The following IGSF22 variants were observed in gnomAD, a reference collection of about 807,000 sequenced individuals.
IGSF22 encodes the protein immunoglobulin superfamily member 22, also known as immunoglobulin superfamily, member 22.
IGSF22 carries 119 observed loss-of-function variants against 127.0 expected under a neutral mutation model. The ratio of observed to expected loss-of-function variants is 0.94; its 90% CI spans 0.81 to 1.09. The LOEUF (loss-of-function observed/expected upper bound fraction) is 1.09, where lower values mean the gene tolerates loss of function less well. Ranked by LOEUF, IGSF22 falls within the 50% of genes least tolerant of loss-of-function variation. IGSF22 has a pLI of 0.00. For missense variants in IGSF22, 1,518 were observed against 1,716.6 expected (o/e 0.88, Z 2.04); for synonymous variants, 568 against 664.7 (o/e 0.85, Z 2.24).
At chr11:18,719,536 G>C (rs183626892) in intron 7 of IGSF22, among the ~76,000 whole-genome samples, 180 bp downstream of exon 7, 1 of 152,332 alleles carries the variant, frequency 6.6e-6, no homozygotes, top group East Asian at 1.9e-4. Context: ...GAGTGGTGAA[G>C]ACAGAAGTAG....
intron 11 of IGSF22, among the ~76,000 whole-genome samples, chr11:18,714,836 G>A (rs1848430853): frequency 6.6e-6 from 1 of 152,146 alleles, no homozygotes; most frequent in Non-Finnish European, 1.5e-5. Context: ...GAGGGGGATG[G>A]GGAAAGGTCA....
intron 7 of IGSF22, among the ~76,000 whole-genome samples, chr11:18,719,177 C>T (rs1848516749): frequency 6.6e-6 from 1 of 152,152 alleles, no homozygotes; most frequent in Non-Finnish European, 1.5e-5. Context: ...CGGAGTCTTG[C>T]TCTGTCACCC....
rs757526919 is a variant in IGSF22 at position 18,714,397 on chromosome 11, G to T, written c.1678C>A (p.Gln560Lys). 1.2e-6 allele frequency: 2 copies of T among 1,614,042 alleles called. No homozygotes were observed. The highest frequency in any genetic ancestry group is 3.3e-5 in the Admixed American group (2 of 60,028). ...TGCACTGCACCCTGCTTCACAATCT[G>T]CATGCCTGGCAAGTCCGTGATCTGG... ...GKEITDLPGM[Q>K]IVKQGAVHKL... The change falls in exon 13 of 23, where the codon CAG becomes AAG. Residue 560 changes from glutamine to lysine, a missense_variant. By Grantham distance (53) the Gln-to-Lys change is moderately conservative. Coordinates refer to ENST00000513874, the MANE Select transcript of IGSF22 (RefSeq NM_173588.4).
At position 18,712,182 on chromosome 11, in the gene IGSF22, C is replaced by T. The variant is rs1319666833; in HGVS notation, c.2298G>A (p.Val766=). Reference sequence around the variant, plus strand: ...GGAACTGGTAGGCTTTTCCCTCTTCCACCTTGTTGGTGGAGAAGTTGGTGA... The same window carrying T: ...GGAACTGGTAGGCTTTTCCCTCTTCTACCTTGTTGGTGGAGAAGTTGGTGA... ...GKVTNFSTNK[V]EEGKAYQFRI... The change falls in exon 15 of 23, where the codon GTG becomes GTA. Residue 766 remains valine (V), a synonymous_variant. Coordinates refer to ENST00000513874, the MANE Select transcript of IGSF22 (RefSeq NM_173588.4). 4.5e-6 allele frequency: 7 copies of T among 1,551,740 alleles called. No homozygotes were observed. In the Admixed American group the frequency reaches 1.2e-4, roughly 26 times the overall value.
In IGSF22 at chr11:18,714,492, C is replaced by T. The variant is rs1176857917; in HGVS notation, c.1656+8G>A. 6.2e-7 allele frequency: 1 copy of T among 1,614,216 alleles called. No homozygotes were observed. Among genetic ancestry groups the T allele is most frequent in the Non-Finnish European group, 8.5e-7 (1 of 1,180,040 alleles). On this transcript the variant is annotated splice_region_variant and intron_variant, in intron 12 of 22. Coordinates refer to ENST00000513874, the MANE Select transcript of IGSF22 (RefSeq NM_173588.4). ...CCTTCACCCCCTTCCCTGGCCTCTGCTTCAGACCTCCTTGCCATCCTTCAG... is the reference window on the plus strand; with the variant it reads ...CCTTCACCCCCTTCCCTGGCCTCTGTTTCAGACCTCCTTGCCATCCTTCAG...
intron 4 of IGSF22, among the ~76,000 whole-genome samples, chr11:18,721,316 G>A (rs1162698889): frequency 2.6e-5 from 4 of 152,196 alleles, no homozygotes; most frequent in Admixed American, 2.6e-4. Context: ...GCTCTGCCCC[G>A]GGGGTACTTT....
In IGSF22 at chr11:18,707,160, C is replaced by G. The variant is rs1156527126; in HGVS notation, c.3334G>C (p.Val1112Leu). Residue 1112 changes from valine to leucine, a missense_variant, in exon 21 of 23, where the codon GTG becomes CTG. Physicochemically the swap from Val to Leu is conservative, Grantham distance 32. Around this residue, in one of 3 missense-constraint regions of IGSF22, gnomAD observed 1,456 missense variants for 1,644.9 expected, o/e 0.89. Transcript: ENST00000513874. ...GGGCTGTGGTTCCAGGTCAGAGTCA[C>G]TGTGTTGGGGACTTCCTCAAACAAC... is the stretch of plus-strand genomic sequence containing the variant. The part of the protein sequence containing the change: ...LRLFEEVPNT[V>L]TLTWNHSPDV... The G allele has an allele frequency of 6.4e-7, 1 of 1,551,014 alleles. No homozygotes were observed. The highest frequency in any genetic ancestry group is 1.2e-5 in the South Asian group (1 of 83,962).
intron 5 of IGSF22, 41 bp downstream of exon 5, chr11:18,720,145 G>A: frequency 6.2e-7 from 1 of 1,613,632 alleles, no homozygotes; most frequent in Non-Finnish European, 8.5e-7. Flanking sequence ...GGGGGAGTCT[G>A]GTCCCTAAGA....
intron 2 of IGSF22, among the ~76,000 whole-genome samples, chr11:18,722,306 AT>A (rs11403570): frequency 6.7e-6 from 1 of 149,490 alleles, no homozygotes; most frequent in African/African-American, 2.5e-5. Context: ...CTGAGTCCTA[AT>A]TTTTTTTTTT....
rs1848475582 is a variant in IGSF22, at chr11:18,717,004, C to T, written c.974-4G>A. Reference sequence around the variant, plus strand: ...CCCAGGAACTTCAGTGGCTCATCTGCAGCAAACAGTAGGAGTGGTAGTCAT... The same window carrying T: ...CCCAGGAACTTCAGTGGCTCATCTGTAGCAAACAGTAGGAGTGGTAGTCAT... On this transcript the variant is annotated splice_region_variant and splice_polypyrimidine_tract_variant and intron_variant, in intron 9 of 22. Transcript: ENST00000513874. 6.2e-7 allele frequency: 1 copy of T among 1,613,852 alleles called. No individual in the cohort carries two copies. Among genetic ancestry groups the T allele is most frequent in the Admixed American group, 1.7e-5 (1 of 60,006 alleles).
chr11:18,705,695 T>G, intron 22 of IGSF22, 122 bp downstream of exon 22: 1 of 811,540 alleles, frequency 1.2e-6, no homozygotes, highest in African/African-American at 1.7e-5. Flanking sequence ...TAAGAATGTT[T>G]GCACCACCTG....
intron 15 of IGSF22, 40 bp from the exon 16 acceptor site, chr11:18,710,868 G>A (rs763194343): frequency 6.4e-7 from 1 of 1,565,652 alleles, no homozygotes; most frequent in Non-Finnish European, 8.8e-7. Flanking sequence ...AGGAGGGGGA[G>A]CATGTAGATA....
At chr11:18,708,472 CCTT>C (rs1848290332) in intron 18 of IGSF22, among the ~76,000 whole-genome samples, 177 bp from the exon 19 acceptor site, 1 of 152,232 alleles carries the variant, frequency 6.6e-6, no homozygotes, top group Admixed American at 6.5e-5. Flanking sequence ...TCATCTGTCT[CCTT>C]CTACTAGTAC....
At chr11:18,723,630 C>T (rs1979050) in intron 2 of IGSF22, among the ~76,000 whole-genome samples, 56,755 of 152,130 alleles carry the variant, frequency 0.37, 10,915 homozygotes, top group Non-Finnish European at 0.42. Context: ...GATCTGCCCT[C>T]TTCCAAGTCT....
At position 18,712,245 on chromosome 11, in the gene IGSF22, C is replaced by T. The variant is rs773516047; in HGVS notation, c.2235G>A (p.Lys745=). The T allele has an allele frequency of 1.3e-6, 2 of 1,551,668 alleles. No homozygotes were observed. The highest frequency in any genetic ancestry group is 1.7e-6 in the Non-Finnish European group (2 of 1,147,018). Residue 745 remains lysine, a synonymous_variant, in exon 15 of 23, where the codon AAG becomes AAA. Transcript: ENST00000513874. The stretch of plus-strand genomic sequence containing the variant: ...CCTCGCCTATCTTAATCCAGGACTT[C>T]TTGCCAACTGCCCTCCGTTCCACTA... The part of the protein sequence containing the change: ...QFIVERRAVG[K]KSWIKIGEVD...
intron 11 of IGSF22, 40 bp downstream of exon 11, chr11:18,715,391 CA>C (rs1474812758): frequency 6.4e-6 from 10 of 1,573,668 alleles, no homozygotes; most frequent in Non-Finnish European, 7.8e-6. Context: ...ATGCCAGGGT[CA>C]GGGGGATTGG....
chr11:18,717,123 T>A, intron 9 of IGSF22, 123 bp from the exon 10 acceptor site: 1 of 1,074,420 alleles, frequency 9.3e-7, no homozygotes, highest in Non-Finnish European at 1.3e-6. Flanking sequence ...GCACCCTGCC[T>A]TTGGTTTTGT....
Position 18,709,748 on chromosome 11 carries a change from C to T in IGSF22, c.2702-65G>A, listed in dbSNP as rs1051741748. 3 of 1,495,540 alleles carry T rather than the reference C, an allele frequency of 2.0e-6. No individual in the cohort carries two copies. Among genetic ancestry groups the T allele is most frequent in the Non-Finnish European group, 2.7e-6 (3 of 1,101,660 alleles). The allele number at this position is 1,495,540 out of a possible 1,614,324, so 92.6% of individuals were successfully genotyped here. A position where few individuals can be genotyped will look rare whatever the true frequency, so the allele number is the denominator to read the frequency against. Reference sequence around the variant, plus strand: ...TCTCCACTCAATGCCTTGCTCACTTCCCACACTCAATACTCCTGAACCCCA... The same window carrying T: ...TCTCCACTCAATGCCTTGCTCACTTTCCACACTCAATACTCCTGAACCCCA... On this transcript the variant is annotated intron_variant, in intron 17 of 22. Coordinates refer to ENST00000513874, the MANE Select transcript of IGSF22 (RefSeq NM_173588.4). The surrounding 1 kb of genome is among the most constrained non-coding windows in gnomAD (Gnocchi z 4.8).
At chr11:18,705,077 G>T (rs1848197015) in intron 22 of IGSF22, among the ~76,000 whole-genome samples, 1 of 151,862 alleles carries the variant, frequency 6.6e-6, no homozygotes, top group Non-Finnish European at 1.5e-5. Flanking sequence ...GATAAAAAAG[G>T]TCTGTAACCA....
Sources: gnomAD v4.1 joint callset for allele counts (sites outside exome capture counted in the v4.1 genomes callset) on GRCh38, gnomAD v4.1.1 for gene constraint, gnomAD v4.1.1 regional missense constraint, Gnocchi (gnomAD v3.1) non-coding constraint, MANE v1.5 for transcripts, NCBI Gene and HGNC (gene_info 2026-07-23, HGNC 2026-07-21) for gene names.